GSK3B: variants seen among roughly 807,000 people sequenced by gnomAD.
The protein encoded by GSK3B is glycogen synthase kinase-3 beta.
Under a neutral mutation model 56.4 loss-of-function variants are expected in GSK3B, and 15 were observed. That is an observed-to-expected ratio of 0.27 (90% CI 0.18 to 0.41). The LOEUF (loss-of-function observed/expected upper bound fraction) is 0.41. Ranked by LOEUF, GSK3B falls within the 10% of genes least tolerant of loss-of-function variation. The pLI is 1.00. For synonymous variants in GSK3B, 181 were observed against 188.9 expected, an observed-to-expected ratio of 0.96 and a Z score of 0.34; for missense variants, 300 against 513.4, an observed-to-expected ratio of 0.58 and a Z score of 4.02.
intron 2 of GSK3B, among the ~76,000 whole-genome samples, chr3:119,976,765 C>CAAAAAAAAAAAAAAA (rs563133631): frequency 2.4e-5 from 2 of 83,094 alleles, no homozygotes; most frequent in Non-Finnish European, 2.8e-5. Context: ...CCACTCCCCA[C>CAAAAAAAAAAAAAAA]AAAAAAAAAA....
intron 1 of GSK3B, among the ~76,000 whole-genome samples, chr3:120,036,328 TATG>T (rs1198494973): frequency 2.0e-5 from 3 of 152,338 alleles, no homozygotes; most frequent in East Asian, 1.9e-4. Context: ...ACTACTTTAT[TATG>T]ATAATTCAGA....
intron 2 of GSK3B, among the ~76,000 whole-genome samples, chr3:119,956,279 G>A (rs191885045): frequency 5.7e-4 from 87 of 152,316 alleles, no homozygotes; most frequent in East Asian, 9.6e-4. Context: ...CACTGAAGCA[G>A]ATGAAAAGGT....
intron 1 of GSK3B, among the ~76,000 whole-genome samples, chr3:120,037,182 A>G (rs80326374): frequency 0.026 from 3,945 of 152,322 alleles, 174 homozygotes; most frequent in African/African-American, 0.089. Flanking sequence ...TACTCAAGGT[A>G]TTGCCCTAAA....
chr3:119,872,220 C>A (rs1326740892), intron 8 of GSK3B, among the ~76,000 whole-genome samples: 1 of 151,992 alleles, frequency 6.6e-6, no homozygotes, highest in African/African-American at 2.4e-5. Flanking sequence ...GGGAAAGAGC[C>A]TGGGTTCAAG....
At chr3:119,865,859 C>T (rs748663636) in intron 8 of GSK3B, among the ~76,000 whole-genome samples, 2 of 151,908 alleles carry the variant, frequency 1.3e-5, no homozygotes, top group African/African-American at 2.4e-5. Flanking sequence ...CATTTATTAG[C>T]GTATATTTGT....
chr3:120,034,953 C>T lies in GSK3B; in HGVS notation c.89-32714G>A, dbSNP rs559163412. Among the ~76,000 whole-genome samples the T allele has an allele frequency of 5.9e-5, 9 of 152,144 alleles. No homozygotes were observed. The South Asian group carries it at 1.0e-3, about 18-fold the overall frequency. On this transcript the variant is annotated intron_variant, in intron 1 of 10. Transcript: ENST00000264235. ...CTAAAAATACACAAAATTAGCTAGGCGTGGTGGCAGGCACCTGTAGTCCCA... is the reference window on the plus strand; with the variant it reads ...CTAAAAATACACAAAATTAGCTAGGTGTGGTGGCAGGCACCTGTAGTCCCA...
rs540410498 is a variant in GSK3B at position 120,072,644 on chromosome 3, A to T, written c.88+20703T>A. On this transcript the variant is annotated intron_variant, in intron 1 of 10. Transcript: ENST00000264235. ...ATAACTTCTTAAAAAGAAAAACATG[A>T]CAATCAACTATGTATTACAATTTGG... Among the ~76,000 whole-genome samples the T allele has an allele frequency of 2.6e-5, 4 of 152,316 alleles. No individual in the cohort carries two copies. In the East Asian group the frequency reaches 7.7e-4, roughly 29 times the overall value.
intron 3 of GSK3B, among the ~76,000 whole-genome samples, chr3:119,938,745 A>T (rs965446465): frequency 6.6e-6 from 1 of 152,124 alleles, no homozygotes; most frequent in African/African-American, 2.4e-5. Context: ...ACAATAACAC[A>T]ATCTATAGAA....
intron 1 of GSK3B, among the ~76,000 whole-genome samples, chr3:120,056,296 G>A (rs551305687): frequency 6.6e-6 from 1 of 152,224 alleles, no homozygotes; most frequent in Admixed American, 6.5e-5. Flanking sequence ...GTTCTCAACA[G>A]TTTCGTTTTT....
At chr3:120,080,467 C>G (rs2058409740) in intron 1 of GSK3B, among the ~76,000 whole-genome samples, 2 of 152,048 alleles carry the variant, frequency 1.3e-5, no homozygotes, top group Admixed American at 6.6e-5. Context: ...TCTGGGAAAG[C>G]TCTAGAACTG....
At chr3:119,900,419 T>C (rs2056613579) in intron 7 of GSK3B, among the ~76,000 whole-genome samples, 1 of 152,238 alleles carries the variant, frequency 6.6e-6, no homozygotes, top group African/African-American at 2.4e-5. Context: ...CTACAAATGG[T>C]TGGTTTATTT....
intron 7 of GSK3B, among the ~76,000 whole-genome samples, chr3:119,893,005 A>G (rs978580784): frequency 3.3e-5 from 5 of 151,992 alleles, no homozygotes; most frequent in Admixed American, 2.6e-4. Flanking sequence ...TACAATTTAC[A>G]GATTTTACTA....
chr3:119,915,431 T>C (rs183550561), intron 5 of GSK3B, among the ~76,000 whole-genome samples: 1 of 152,166 alleles, frequency 6.6e-6, no homozygotes, highest in East Asian at 1.9e-4. Flanking sequence ...AATGAAAAAG[T>C]GAGTTTCCCA....
intron 1 of GSK3B, among the ~76,000 whole-genome samples, chr3:120,022,436 A>G (rs2057886987): frequency 6.6e-6 from 1 of 152,224 alleles, no homozygotes; most frequent in Non-Finnish European, 1.5e-5. Context: ...CAAGGTATGC[A>G]CATATTAAAT....
chr3:119,982,922 G>T (rs1405259869), intron 2 of GSK3B, among the ~76,000 whole-genome samples: 1 of 152,132 alleles, frequency 6.6e-6, no homozygotes, highest in Admixed American at 6.5e-5. Context: ...CACCAAGGTT[G>T]AAATGAAGGA....
Position 119,861,341 on chromosome 3 carries a change from T to C in GSK3B, c.1096+2078A>G, listed in dbSNP as rs183660929. Among the ~76,000 whole-genome samples the C allele has an allele frequency of 5.9e-5, 9 of 151,688 alleles. No homozygotes were observed. The East Asian group carries it at 1.5e-3, about 26-fold the overall frequency. On this transcript the variant is annotated intron_variant, in intron 9 of 10. Transcript: ENST00000264235. ...GCCTGGCCAACATGGCGAAACCCCG[T>C]CTCTACTGAAAATACAAAAATTAGC...
chr3:119,854,107 T>G lies in GSK3B; in HGVS notation c.1096+9312A>C, dbSNP rs997871456. ...AGATACGTCCCATCAATACCTAGTT[T>G]ATTGAGAGTTTTTAGCATGAAGGTC... On this transcript the variant is annotated intron_variant, in intron 9 of 10. Coordinates refer to ENST00000264235, the MANE Select transcript of GSK3B (RefSeq NM_001146156.2). Among the ~76,000 whole-genome samples, 8 of 152,228 alleles carry G rather than the reference T, an allele frequency of 5.3e-5. No homozygotes were observed. The East Asian group carries it at 9.6e-4, about 18-fold the overall frequency.
intron 2 of GSK3B, among the ~76,000 whole-genome samples, chr3:119,957,202 A>C (rs1460516700): frequency 6.6e-6 from 1 of 152,224 alleles, no homozygotes; most frequent in African/African-American, 2.4e-5. Flanking sequence ...AACTATAATT[A>C]GTGTGTAAGT....
intron 2 of GSK3B, among the ~76,000 whole-genome samples, chr3:119,966,738 G>T (rs1030857363): frequency 6.6e-6 from 1 of 152,052 alleles, no homozygotes; most frequent in Non-Finnish European, 1.5e-5. Context: ...TTATCTCAGG[G>T]TGATCTTTAT....
Sources: gnomAD v4.1 joint callset for allele counts (sites outside exome capture counted in the v4.1 genomes callset) on GRCh38, gnomAD v4.1.1 for gene constraint, MANE v1.5 for transcripts, NCBI Gene and HGNC (gene_info 2026-07-23, HGNC 2026-07-21) for gene names.